OBSL1: variants seen among roughly 807,000 people sequenced by gnomAD.
OBSL1 encodes the protein obscurin like cytoskeletal adaptor 1.
A neutral mutation model predicts 172.0 loss-of-function variants in OBSL1; 160 were observed. The ratio of observed to expected loss-of-function variants is 0.93; its 90% CI spans 0.82 to 1.06. The LOEUF (loss-of-function observed/expected upper bound fraction) is 1.06. OBSL1 is among the 50% of genes least tolerant of loss of function. OBSL1 has a pLI of 0.00. For synonymous variants in OBSL1, 1,200 were observed against 1,196.3 expected, an observed-to-expected ratio of 1.00 and a Z score of -0.06; for missense variants, 2,681 against 2,715.4, an observed-to-expected ratio of 0.99 and a Z score of 0.28.
chr2:219,552,914 G>T lies in OBSL1; in HGVS notation c.5100C>A (p.Cys1700Ter). ...GTCCGGCGCGGGCCGTCCCCACCGCGCAGCTGTAGGTCCCGGCGTCCGAGG... is the reference window on the plus strand; with the variant it reads ...GTCCGGCGCGGGCCGTCCCCACCGCTCAGCTGTAGGTCCCGGCGTCCGAGG... Reference protein sequence around the residue: ...CGPSDAGTYSCAVGTARAGPV... With the variant: ...CGPSDAGTYS The change falls in exon 17 of 21, where the codon TGC becomes TGA. Residue 1700 changes from cysteine (C) to a stop codon, truncating the protein, a stop_gained. Transcript: ENST00000404537. LOFTEE classifies it high-confidence loss of function. 1 of 1,539,700 alleles carries T rather than the reference G, an allele frequency of 6.5e-7. No homozygotes were observed. The highest frequency in any genetic ancestry group is 1.7e-4 in the Middle Eastern group (1 of 5,904).
intron 6 of OBSL1, 113 bp downstream of exon 6, chr2:219,565,129 T>C (rs1696787176): frequency 8.8e-7 from 1 of 1,139,312 alleles, no homozygotes; most frequent in Non-Finnish European, 1.2e-6. Flanking sequence ...CCTGGGCCAC[T>C]GGACTCTCCC....
Position 219,565,360 on chromosome 2 carries a change from C to A in OBSL1, c.2289G>T (p.Val763=). ...GQKVEESELL[V]VKMDGRKHRL... is the part of the protein sequence containing the mutation. ...GGTGTTTGCGCCCATCCATCTTCAC[C>A]ACCAGCAACTCGCTCTCCTCCACCT... The change falls in exon 6 of 21, where the codon GTG becomes GTT. Residue 763 remains valine (V), a synonymous_variant. Transcript: ENST00000404537. The A allele has an allele frequency of 6.2e-7, 1 of 1,614,042 alleles. No individual in the cohort carries two copies. The highest frequency in any genetic ancestry group is 8.5e-7 in the Non-Finnish European group (1 of 1,179,894).
Position 219,558,421 on chromosome 2 carries a change from G to A in OBSL1, c.3265C>T (p.Leu1089=). The change falls in exon 10 of 21, where the codon CTG becomes TTG. Residue 1089 remains leucine, a synonymous_variant. Transcript: ENST00000404537. ...ERIVHPAARS[L]DLHFGAPGRV... The stretch of plus-strand genomic sequence containing the variant: ...CCTGGAGCCCCAAAATGCAGATCCA[G>A]GGAGCGGGCTGCCGGGTGCACAATC... 6.3e-7 allele frequency: 1 copy of A among 1,597,268 alleles called. No individual in the cohort carries two copies.
chr2:219,568,895 C>T lies in OBSL1; in HGVS notation c.1013-571G>A, dbSNP rs10200564. ...AAGTAGAGCTGGGATTACAGGCAGG[C>T]GCCACCACGCCTGGCTAATGATTTT... On this transcript the variant is annotated intron_variant, in intron 1 of 20. Coordinates refer to ENST00000404537, the MANE Select transcript of OBSL1 (RefSeq NM_015311.3). This position sits in a 1 kb window ranked among gnomAD's most constrained non-coding sequence, Gnocchi z 4.1. Among the ~76,000 whole-genome samples the T allele has an allele frequency of 3.0e-3, 448 of 151,756 alleles. 2 individuals are homozygous for T. The highest frequency in any genetic ancestry group is 0.01 in the African/African-American group (425 of 41,410).
chr2:219,558,570 G>T, intron 9 of OBSL1, 111 bp from the exon 10 acceptor site: 1 of 1,247,776 alleles, frequency 8.0e-7, no homozygotes, highest in Non-Finnish European at 1.1e-6. Flanking sequence ...TGAGAACAGT[G>T]CCAGCTGCAG....
At chr2:219,558,861 A>G (rs1574543152) in intron 9 of OBSL1, among the ~76,000 whole-genome samples, 2 of 152,090 alleles carry the variant, frequency 1.3e-5, no homozygotes, top group South Asian at 4.1e-4. Flanking sequence ...CACCTGACAA[A>G]CCATCTCTTT....
Position 219,571,333 on chromosome 2 carries a change from G to T in OBSL1, c.-101C>A. On this transcript the variant is annotated 5_prime_UTR_variant, in exon 1 of 21. Transcript: ENST00000404537. ...GCGGCGGGGTCGGGGCGCGGCTGGG[G>T]ACTGGGCGCGGGGACCCGCGGAGCT... The T allele has an allele frequency of 1.3e-6, 1 of 765,296 alleles. No homozygotes were observed. The highest frequency in any genetic ancestry group is 1.8e-6 in the Non-Finnish European group (1 of 568,878). 47.4% of individuals were successfully genotyped at this position (765,296 alleles called of 1,614,324 possible). A position where few individuals can be genotyped will look rare whatever the true frequency, so the allele number is the denominator to read the frequency against.
intron 8 of OBSL1, 43 bp from the exon 9 acceptor site, chr2:219,559,540 C>T (rs762901461): frequency 6.3e-7 from 1 of 1,587,428 alleles, no homozygotes; most frequent in Admixed American, 1.7e-5. Context: ...AGCTCACCGT[C>T]AGCCTCTCTG....
rs957899691 is a variant in OBSL1 at position 219,571,152 on chromosome 2, G to A, written c.81C>T (p.Ala27=). The part of the protein sequence containing the change: ...FPRPVRVVSG[A]EAELKCVVLG... Reference sequence around the variant, plus strand: ...GGACCACGCACTTGAGCTCGGCCTCGGCGCCACTTACCACCCGCACAGGCC... The same window carrying A: ...GGACCACGCACTTGAGCTCGGCCTCAGCGCCACTTACCACCCGCACAGGCC... The change falls in exon 1 of 21, where the codon GCC becomes GCT. Residue 27 remains alanine, a synonymous_variant. Transcript: ENST00000404537. 3 of 1,488,076 alleles carry A rather than the reference G, an allele frequency of 2.0e-6. No individual in the cohort carries two copies. The highest frequency in any genetic ancestry group is 2.9e-5 in the African/African-American group (2 of 69,476). The allele number at this position is 1,488,076 out of a possible 1,614,324, so 92.2% of individuals were successfully genotyped here. A position where few individuals can be genotyped will look rare whatever the true frequency, so the allele number is the denominator to read the frequency against.
At chr2:219,560,516 TC>T (rs1191993641) in intron 8 of OBSL1, among the ~76,000 whole-genome samples, 5 of 151,862 alleles carry the variant, frequency 3.3e-5, no homozygotes, top group Non-Finnish European at 7.4e-5. Context: ...CCCCCCAGAA[TC>T]TTCAAGTTTT....
At chr2:219,548,646 G>C (rs908982098), downstream of OBSL1, among the ~76,000 whole-genome samples, 10 of 152,192 alleles carry the variant, frequency 6.6e-5, no homozygotes, top group African/African-American at 2.4e-4. Flanking sequence ...TGAGGTGTGG[G>C]AGCCAGAGTG....
In OBSL1 at chr2:219,565,461, T is replaced by G. The variant is rs200676512; in HGVS notation, c.2188A>C (p.Thr730Pro). ...PQDRVSLTFT[T>P]SERVVLTCEL... Reference sequence around the variant, plus strand: ...CAAGTCAGCACCACCCGCTCTGAGGTTGTGAAGGTCAACGACACCCTGTCC... The same window carrying G: ...CAAGTCAGCACCACCCGCTCTGAGGGTGTGAAGGTCAACGACACCCTGTCC... The change falls in exon 6 of 21, where the codon ACC becomes CCC. Residue 730 changes from threonine (T) to proline (P), a missense_variant. Transcript: ENST00000404537. 522 of 1,612,894 alleles carry G rather than the reference T, an allele frequency of 3.2e-4. No homozygotes were observed. Among genetic ancestry groups the G allele is most frequent in the Non-Finnish European group, 4.2e-4 (495 of 1,179,842 alleles).
intron 14 of OBSL1, 124 bp from the exon 15 acceptor site, chr2:219,554,864 A>C: frequency 8.7e-7 from 1 of 1,151,854 alleles, no homozygotes; most frequent in Non-Finnish European, 1.2e-6. Context: ...CTGACCAAAA[A>C]AGTTCGGAAC....
rs541097876 is a variant in OBSL1 at position 219,555,133 on chromosome 2, A to G, written c.4610-393T>C. 1.6e-3 allele frequency: 367 copies of G among 223,662 alleles called. 13 individuals are homozygous for G. The South Asian group carries it at 0.042, about 26-fold the overall frequency. 13.9% of individuals were successfully genotyped at this position (223,662 alleles called of 1,614,324 possible). ...GACCTCTCTGGACCCCAGTTGCCCC[A>G]GCTGTACAAGGTGAATAACATTGGG... On this transcript the variant is annotated intron_variant, in intron 14 of 20. Transcript: ENST00000404537.
intron 18 of OBSL1, 28 bp downstream of exon 18, chr2:219,552,508 G>C (rs1695700864): frequency 6.3e-7 from 1 of 1,582,170 alleles, no homozygotes; most frequent in African/African-American, 1.3e-5. Context: ...GCAGCGAGGG[G>C]CCCGAAAGGG....
intron 7 of OBSL1, 150 bp downstream of exon 7, chr2:219,563,205 T>C (rs1202650697): frequency 1.3e-6 from 1 of 753,280 alleles, no homozygotes; most frequent in Non-Finnish European, 2.1e-6. Flanking sequence ...GACTAGACCA[T>C]AGCTTGAGGA....
chr2:219,562,397 C>G lies in OBSL1; in HGVS notation c.2953+5G>C, dbSNP rs757761299. The G allele has an allele frequency of 4.3e-6, 7 of 1,612,478 alleles. No individual in the cohort carries two copies. The highest frequency in any genetic ancestry group is 5.9e-6 in the Non-Finnish European group (7 of 1,178,986). On this transcript the variant is annotated splice_donor_5th_base_variant and intron_variant, in intron 8 of 20. Transcript: ENST00000404537. Reference sequence around the variant, plus strand: ...TGACCCCGGGGAGCTGGGCTGGGCCCACACCTGTGACGGTGACAGTGAAGG... The same window carrying G: ...TGACCCCGGGGAGCTGGGCTGGGCCGACACCTGTGACGGTGACAGTGAAGG...
Position 219,552,068 on chromosome 2 carries a change from A to T in OBSL1, c.5413+44T>A, listed in dbSNP as rs1455153853. On this transcript the variant is annotated intron_variant, in intron 19 of 20. Coordinates refer to ENST00000404537, the MANE Select transcript of OBSL1 (RefSeq NM_015311.3). ...AAGTCCGTCAGTCCCATGGCAGGAG[A>T]GACAGGATGTACACTCTCTGTCGCT... 2.6e-6 allele frequency: 4 copies of T among 1,515,762 alleles called. No individual in the cohort carries two copies. The East Asian group carries it at 9.5e-5, about 36-fold the overall frequency. 93.9% of individuals were successfully genotyped at this position (1,515,762 alleles called of 1,614,324 possible). A position where few individuals can be genotyped will look rare whatever the true frequency, so the allele number is the denominator to read the frequency against.
chr2:219,562,251 G>T (rs750615692), intron 8 of OBSL1, 151 bp downstream of exon 8: 2 of 936,720 alleles, frequency 2.1e-6, no homozygotes, highest in Non-Finnish European at 3.2e-6. Context: ...CTTGAATAGG[G>T]GCCCTGGGCT....
Sources: gnomAD v4.1 joint callset for allele counts (sites outside exome capture counted in the v4.1 genomes callset) on GRCh38, gnomAD v4.1.1 for gene constraint, Gnocchi (gnomAD v3.1) non-coding constraint, MANE v1.5 for transcripts, NCBI Gene and HGNC (gene_info 2026-07-23, HGNC 2026-07-21) for gene names.